The following PSD3 variants were observed in gnomAD, a reference collection of about 807,000 sequenced individuals.
PSD3 encodes PH and SEC7 domain-containing protein 3.
In PSD3, 49 loss-of-function variants were observed where a neutral mutation model predicts 105.5. The ratio of observed to expected loss-of-function variants is 0.46; its 90% CI spans 0.37 to 0.59. The LOEUF (loss-of-function observed/expected upper bound fraction) is 0.59. PSD3 is among the 20% of genes least tolerant of loss of function. The pLI is 0.00. For missense variants in PSD3, 1,561 were observed against 1,263.8 expected (o/e 1.24, Z -3.57); for synonymous variants, 557 against 457.8 (o/e 1.22, Z -2.77).
chr8:18,620,661 G>T (rs1419473373), intron 11 of PSD3, among the ~76,000 whole-genome samples: 1 of 152,132 alleles, frequency 6.6e-6, no homozygotes, highest in Non-Finnish European at 1.5e-5. Context: ...AGTGAGCCCA[G>T]ATCACACCAC....
intron 9 of PSD3, among the ~76,000 whole-genome samples, chr8:18,674,874 T>C (rs1243286710): frequency 6.6e-6 from 1 of 152,002 alleles, no homozygotes; most frequent in African/African-American, 2.4e-5. Context: ...CCTGGAGTGG[T>C]GACATGTGCC....
At chr8:18,979,541 T>C (rs2129472656) in intron 1 of PSD3, 1 of 152,320 alleles carries the variant, frequency 6.6e-6, no homozygotes, top group African/African-American at 2.4e-5. Context: ...ACTACTAATA[T>C]CTCCTTACAG....
chr8:18,845,599 G>C (rs1815018786), intron 4 of PSD3, among the ~76,000 whole-genome samples: 2 of 152,162 alleles, frequency 1.3e-5, no homozygotes, highest in Admixed American at 1.3e-4. Flanking sequence ...CCTCCCTGCT[G>C]CTGACAGCAG....
chr8:18,901,580 G>C (rs1349481966), intron 2 of PSD3, among the ~76,000 whole-genome samples: 1 of 151,914 alleles, frequency 6.6e-6, no homozygotes, highest in Non-Finnish European at 1.5e-5. Context: ...CCTAAGTCTT[G>C]ATTCTTTCCT....
At chr8:18,723,996 G>A (rs958496402) in intron 9 of PSD3, among the ~76,000 whole-genome samples, 8 of 151,370 alleles carry the variant, frequency 5.3e-5, no homozygotes, top group African/African-American at 1.7e-4. Flanking sequence ...ACAGCCATAT[G>A]AACTCAAGTA....
intron 1 of PSD3, among the ~76,000 whole-genome samples, chr8:18,947,609 T>C (rs1191798593): frequency 1.3e-5 from 2 of 152,128 alleles, no homozygotes; most frequent in Non-Finnish European, 2.9e-5. Flanking sequence ...CTGGCTTCCA[T>C]CGACACACAT....
At chr8:18,853,819 C>T (rs1318222147) in intron 4 of PSD3, among the ~76,000 whole-genome samples, 2 of 152,172 alleles carry the variant, frequency 1.3e-5, no homozygotes, top group African/African-American at 2.4e-5. Flanking sequence ...GAACACCAAG[C>T]TATGTCTAAG....
At chr8:18,952,806 T>C (rs996405864) in intron 1 of PSD3, among the ~76,000 whole-genome samples, 3 of 152,218 alleles carry the variant, frequency 2.0e-5, no homozygotes, top group African/African-American at 7.2e-5. Context: ...TTTGGAGACA[T>C]TTAGTTATTT....
chr8:18,579,305 A>C (rs1802661752), intron 12 of PSD3, among the ~76,000 whole-genome samples: 1 of 152,228 alleles, frequency 6.6e-6, no homozygotes, highest in Non-Finnish European at 1.5e-5. Context: ...ATCGTAATCA[A>C]ACCATTTCAA....
chr8:18,982,841 G>A (rs1825309961), intron 1 of PSD3, among the ~76,000 whole-genome samples: 1 of 152,036 alleles, frequency 6.6e-6, no homozygotes, highest in Non-Finnish European at 1.5e-5. Flanking sequence ...ATTCTGAAGG[G>A]CCCTAGGATT....
chr8:18,817,964 G>T (rs1331972190), intron 4 of PSD3, among the ~76,000 whole-genome samples: 1 of 152,048 alleles, frequency 6.6e-6, no homozygotes, highest in Non-Finnish European at 1.5e-5. Flanking sequence ...TTTGGTTTTG[G>T]TTTTTTTGAG....
At chr8:19,019,719 G>A (rs1020083820) in intron 1 of PSD3, among the ~76,000 whole-genome samples, 4 of 152,122 alleles carry the variant, frequency 2.6e-5, no homozygotes, top group African/African-American at 9.7e-5. Flanking sequence ...GATATGCTTG[G>A]ATTTCAAAAG....
chr8:18,754,112 G>A (rs183658947), intron 9 of PSD3, among the ~76,000 whole-genome samples: 2 of 152,226 alleles, frequency 1.3e-5, no homozygotes, highest in African/African-American at 4.8e-5. Flanking sequence ...GGCCAGGTGC[G>A]GTGGCTCACG....
intron 1 of PSD3, among the ~76,000 whole-genome samples, chr8:18,973,893 C>T (rs1199296277): frequency 2.0e-5 from 3 of 152,258 alleles, no homozygotes; most frequent in South Asian, 2.1e-4. Flanking sequence ...ATTCTGAGGT[C>T]GATACTGCTA....
chr8:18,608,280 G>A (rs1805011958), intron 11 of PSD3, among the ~76,000 whole-genome samples: 1 of 152,174 alleles, frequency 6.6e-6, no homozygotes, highest in Non-Finnish European at 1.5e-5. Context: ...GAAAAGCACT[G>A]TTCCAGTCAG....
intron 10 of PSD3, among the ~76,000 whole-genome samples, chr8:18,639,321 T>A (rs568322577): frequency 6.6e-6 from 1 of 151,964 alleles, no homozygotes; most frequent in Non-Finnish European, 1.5e-5. Flanking sequence ...TCAGAGCACA[T>A]GTGAAGTTCT....
intron 1 of PSD3, among the ~76,000 whole-genome samples, chr8:19,081,233 A>G (rs1829636217): frequency 2.0e-5 from 3 of 147,816 alleles, no homozygotes; most frequent in Admixed American, 1.3e-4. Context: ...CTAGGCCTTC[A>G]CTGCTTCTAG....
rs1205314101 is a variant in PSD3, at chr8:18,765,442, T to C, written c.2172+7A>G. On this transcript the variant is annotated splice_region_variant and intron_variant, in intron 9 of 15. Coordinates refer to ENST00000327040, the MANE Select transcript of PSD3 (RefSeq NM_015310.4). ...CATACACTAAAAACCAATAGTTCCA[T>C]GCTTACTTTCAGCAGATCCTTGGAG... 1 of 1,595,478 alleles carries C rather than the reference T, an allele frequency of 6.3e-7. No homozygotes were observed. The highest frequency in any genetic ancestry group is 1.3e-5 in the African/African-American group (1 of 74,486).
Position 18,871,996 on chromosome 8 carries a change from T to A in PSD3, c.868A>T (p.Met290Leu), listed in dbSNP as rs1424603585. ...TGTTTGACCCGGCCTGGGCGTCCCA[T>A]GGAGCTGCTTCGATCACATCCCCCT... ...HPGGCDRSSS[M>L]GRPGRVKHVE... The change falls in exon 3 of 16, where the codon ATG (methionine) becomes TTG (leucine). Residue 290 changes from methionine to leucine, a missense_variant. Transcript: ENST00000327040. The A allele has an allele frequency of 1.9e-6, 3 of 1,614,038 alleles. No individual in the cohort carries two copies. The highest frequency in any genetic ancestry group is 2.5e-6 in the Non-Finnish European group (3 of 1,180,020).
Sources: allele counts gnomAD v4.1 joint callset (sites outside exome capture counted in the v4.1 genomes callset), GRCh38; gene constraint gnomAD v4.1.1; transcripts MANE v1.5; gene names NCBI Gene and HGNC (gene_info 2026-07-23, HGNC 2026-07-21).